The following SH3GLB2 variants were observed in gnomAD, a reference collection of about 807,000 sequenced individuals.
SH3GLB2 encodes the protein SH3 domain containing GRB2 like, endophilin B2.
SH3GLB2 carries 24 observed loss-of-function variants against 48.0 expected under a neutral mutation model. That is an observed-to-expected ratio of 0.50 (90% confidence interval 0.36 to 0.70). SH3GLB2 has a LOEUF of 0.70. Ranked by LOEUF, SH3GLB2 falls within the 30% of genes least tolerant of loss-of-function variation. The pLI is 0.00. For missense variants in SH3GLB2, 425 were observed against 516.0 expected (o/e 0.82, Z 1.71); for synonymous variants, 227 against 207.6 (o/e 1.09, Z -0.80).
In SH3GLB2 at chr9:129,022,455, G is replaced by A. The variant is rs772481716; in HGVS notation, c.64-32C>T. ...AGAGGGGAAGGCCAAGGGGTGGGGA[G>A]GGGGAGAGCTCAGAAGGAGGTGGGG... On this transcript the variant is annotated intron_variant, in intron 1 of 10. Transcript: ENST00000372564. 21 of 1,600,034 alleles carry A rather than the reference G, an allele frequency of 1.3e-5. No homozygotes were observed. In the South Asian group the frequency reaches 1.4e-4, roughly 11 times the overall value.
At chr9:129,016,929 T>C (rs1303908554) in intron 3 of SH3GLB2, among the ~76,000 whole-genome samples, 2 of 150,676 alleles carry the variant, frequency 1.3e-5, no homozygotes, top group African/African-American at 2.4e-5. Context: ...ACAGTAATAG[T>C]TGGAAACTTG....
chr9:129,025,623 A>AAGGAAGGAAGGAAGGAAGGAAGGCAGGC (rs1554835515), intron 1 of SH3GLB2, among the ~76,000 whole-genome samples: 22 of 146,148 alleles, frequency 1.5e-4, no homozygotes. Context: ...GGAAGGAAGG[A>AAGGAAGGAAGGAAGGAAGGAAGGCAGGC]AGGCAGGCAG....
At chr9:129,021,726 A>T (rs1843811956) in intron 2 of SH3GLB2, among the ~76,000 whole-genome samples, 2 of 151,898 alleles carry the variant, frequency 1.3e-5, no homozygotes, top group Admixed American at 6.6e-5. Flanking sequence ...TGGGAGGCCA[A>T]GGCGGGTGGA....
rs1685288806 is a variant in SH3GLB2 at position 129,028,315 on chromosome 9, C to A, written c.-161G>T. Reference sequence around the variant, plus strand: ...CTGCCCGCCCGCCGCAGCCGCCGAGCCAGCCCGAGCGCGCAGGGCGGGGCG... The same window carrying A: ...CTGCCCGCCCGCCGCAGCCGCCGAGACAGCCCGAGCGCGCAGGGCGGGGCG... On this transcript the variant is annotated 5_prime_UTR_variant, in exon 1 of 11. Transcript: ENST00000372564. The A allele has an allele frequency of 9.6e-6, 3 of 311,210 alleles. No individual in the cohort carries two copies. The highest frequency in any genetic ancestry group is 1.4e-5 in the Non-Finnish European group (3 of 216,208). 19.3% of individuals were successfully genotyped at this position (311,210 alleles called of 1,614,324 possible). A position where few individuals can be genotyped will look rare whatever the true frequency, so the allele number is the denominator to read the frequency against.
chr9:129,024,483 C>T (rs1172334539), intron 1 of SH3GLB2, among the ~76,000 whole-genome samples: 2 of 150,802 alleles, frequency 1.3e-5, no homozygotes, highest in Admixed American at 6.6e-5. Flanking sequence ...ATGGCATGAA[C>T]CTGGGAGGCG....
At chr9:129,021,464 A>G (rs1255614047) in intron 2 of SH3GLB2, among the ~76,000 whole-genome samples, 1 of 152,136 alleles carries the variant, frequency 6.6e-6, no homozygotes, top group Non-Finnish European at 1.5e-5. Flanking sequence ...ATGCTTGCAC[A>G]ATTCTCTGCT....
At position 129,007,830 on chromosome 9, in the gene SH3GLB2, G is replaced by A. The variant is rs1408379672; in HGVS notation, c.*854C>T. 1 of 152,186 alleles carries A rather than the reference G, an allele frequency of 6.6e-6. No homozygotes were observed. 9.4% of individuals were successfully genotyped at this position (152,186 alleles called of 1,614,324 possible). A position where few individuals can be genotyped will look rare whatever the true frequency, so the allele number is the denominator to read the frequency against. On this transcript the variant is annotated 3_prime_UTR_variant, in exon 11 of 11. Coordinates refer to ENST00000372564, the MANE Select transcript of SH3GLB2 (RefSeq NM_020145.4). ...TTCTTAGGAATAAAACGTTCCTTGT[G>A]CGGCTTCATGTCCAGGAACAGCACT...
chr9:129,008,955 G>T (rs1017091982), intron 10 of SH3GLB2, 151 bp downstream of exon 10: 4 of 1,373,456 alleles, frequency 2.9e-6, no homozygotes, highest in Non-Finnish European at 4.0e-6. Context: ...GCAGAGCAAG[G>T]ATCCTTTCCT....
At chr9:129,019,502 T>C (rs753837807) in intron 3 of SH3GLB2, among the ~76,000 whole-genome samples, 2 of 151,814 alleles carry the variant, frequency 1.3e-5, no homozygotes, top group Non-Finnish European at 2.9e-5. Flanking sequence ...GGTCAGGAGA[T>C]CGAGACCTGC....
Position 129,014,621 on chromosome 9 carries a change from A to G in SH3GLB2, c.469-118T>C. Reference sequence around the variant, plus strand: ...TCAAGATAGGGAAACTGAGGCCCAGAGATAGGAGGTCACTCAGTCCAAAGG... The same window carrying G: ...TCAAGATAGGGAAACTGAGGCCCAGGGATAGGAGGTCACTCAGTCCAAAGG... On this transcript the variant is annotated intron_variant, in intron 4 of 10. Coordinates refer to ENST00000372564, the MANE Select transcript of SH3GLB2 (RefSeq NM_020145.4). This position sits in a 1 kb window ranked among gnomAD's most constrained non-coding sequence, Gnocchi z 4.1. 1 of 1,485,780 alleles carries G rather than the reference A, an allele frequency of 6.7e-7. No homozygotes were observed. The highest frequency in any genetic ancestry group is 9.3e-7 in the Non-Finnish European group (1 of 1,078,136). 92.0% of individuals were successfully genotyped at this position (1,485,780 alleles called of 1,614,324 possible). A position where few individuals can be genotyped will look rare whatever the true frequency, so the allele number is the denominator to read the frequency against.
chr9:129,008,633 G>A lies in SH3GLB2; in HGVS notation c.*51C>T, dbSNP rs762904977. 1.2e-5 allele frequency: 17 copies of A among 1,392,592 alleles called. No homozygotes were observed. Among genetic ancestry groups the A allele is most frequent in the Middle Eastern group, 3.5e-4 (2 of 5,652 alleles). 86.3% of individuals were successfully genotyped at this position (1,392,592 alleles called of 1,614,324 possible). A position where few individuals can be genotyped will look rare whatever the true frequency, so the allele number is the denominator to read the frequency against. The stretch of plus-strand genomic sequence containing the variant: ...CAAACAAGTTAAGTGGCAGGGCTGC[G>A]CCCATCCTCTCCTGCCTAGGCCAGA... On this transcript the variant is annotated 3_prime_UTR_variant, in exon 11 of 11. Transcript: ENST00000372564.
rs1323709470 is a variant in SH3GLB2, at chr9:129,014,900, C to T, written c.339G>A (p.Lys113=). The T allele has an allele frequency of 1.2e-6, 2 of 1,613,424 alleles. No homozygotes were observed. Among genetic ancestry groups the T allele is most frequent in the East Asian group, 4.5e-5 (2 of 44,880 alleles). Reference sequence around the variant, plus strand: ...CAGCTTCTGCCACCTTGATCAGTGTCTTCCCTGAGAAAACAGAGTTGAAGC... The same window carrying T: ...CAGCTTCTGCCACCTTGATCAGTGTTTTCCCTGAGAAAACAGAGTTGAAGC... ...SELGPTTPYG[K]TLIKVAEAEK... Residue 113 remains lysine, a synonymous_variant, in exon 4 of 11, where the codon AAG becomes AAA. Coordinates refer to ENST00000372564, the MANE Select transcript of SH3GLB2 (RefSeq NM_020145.4). The surrounding 1 kb of genome is among the most constrained non-coding windows in gnomAD (Gnocchi z 4.1).
intron 7 of SH3GLB2, 61 bp downstream of exon 7, chr9:129,010,609 A>C (rs1843057461): frequency 6.3e-7 from 1 of 1,587,912 alleles, no homozygotes; most frequent in Non-Finnish European, 8.6e-7. Context: ...CACAGCAGCA[A>C]GTGTGCCTGC....
At position 129,022,309 on chromosome 9, in the gene SH3GLB2, T is replaced by C. The variant is rs1843860477; in HGVS notation, c.178A>G (p.Thr60Ala). The C allele has an allele frequency of 1.2e-6, 2 of 1,614,064 alleles. No homozygotes were observed. The highest frequency in any genetic ancestry group is 4.5e-5 in the East Asian group (2 of 44,884). The change falls in exon 2 of 11, where the codon ACA becomes GCA. Residue 60 changes from threonine to alanine, a missense_variant. Coordinates refer to ENST00000372564, the MANE Select transcript of SH3GLB2 (RefSeq NM_020145.4). ...GGGTTGGGCTGCAGCAGCACCTCTGTCTGCCTCAAGATCTTCTCTGTCCAG... is the reference window on the plus strand; with the variant it reads ...GGGTTGGGCTGCAGCAGCACCTCTGCCTGCCTCAAGATCTTCTCTGTCCAG... Reference protein sequence around the residue: ...KNWTEKILRQTEVLLQPNPSA... With the variant: ...KNWTEKILRQAEVLLQPNPSA...
chr9:129,012,787 A>ACAGATGGATGCATGGGCC, intron 5 of SH3GLB2: 1 of 593,194 alleles, frequency 1.7e-6, no homozygotes, highest in Admixed American at 2.9e-5. Context: ...ATGCATGGGC[A>ACAGATGGATGCATGGGCC]GACAGAGTGA....
At chr9:129,018,558 C>CAG (rs1234469394) in intron 3 of SH3GLB2, among the ~76,000 whole-genome samples, 2 of 145,718 alleles carry the variant, frequency 1.4e-5, no homozygotes, top group Admixed American at 1.4e-4. Context: ...GCCTAGGTGA[C>CAG]AGAGAGAGAC....
intron 3 of SH3GLB2, among the ~76,000 whole-genome samples, chr9:129,018,181 C>T (rs538033233): frequency 6.6e-6 from 1 of 152,140 alleles, no homozygotes; most frequent in Non-Finnish European, 1.5e-5. Flanking sequence ...AGAAGAAAAC[C>T]CAGAAAATCC....
chr9:129,023,252 G>C (rs543493523), intron 1 of SH3GLB2, among the ~76,000 whole-genome samples: 1 of 152,260 alleles, frequency 6.6e-6, no homozygotes, highest in East Asian at 1.9e-4. Flanking sequence ...CAGCCTATCA[G>C]AGCCAGCGGC....
intron 8 of SH3GLB2, 28 bp downstream of exon 8, chr9:129,010,092 T>C (rs528436764): frequency 1.9e-6 from 3 of 1,601,018 alleles, no homozygotes; most frequent in Non-Finnish European, 2.6e-6. Context: ...GAGGGTTAGG[T>C]TTAGTGAGGG....
Sources: gnomAD v4.1 joint callset for allele counts (sites outside exome capture counted in the v4.1 genomes callset) on GRCh38, gnomAD v4.1.1 for gene constraint, Gnocchi (gnomAD v3.1) non-coding constraint, MANE v1.5 for transcripts, NCBI Gene and HGNC (gene_info 2026-07-23, HGNC 2026-07-21) for gene names.